Variants in HAO2 observed in about 807,000 individuals in gnomAD.
The protein encoded by HAO2 is hydroxyacid oxidase 2.
Under a neutral mutation model 37.4 loss-of-function variants are expected in HAO2, and 42 were observed. That is an observed-to-expected ratio of 1.12 (90% CI 0.88 to 1.45). HAO2 has a LOEUF of 1.45. Ranked by LOEUF, HAO2 falls within the 40% of genes most tolerant of loss-of-function variation. HAO2 has a pLI of 0.00. For synonymous variants in HAO2, 180 were observed against 162.8 expected (o/e 1.11, Z -0.81); for missense variants, 476 against 430.2 (o/e 1.11, Z -0.94).
chr1:119,383,466 T>A (rs889232558), intron 3 of HAO2, among the ~76,000 whole-genome samples: 1 of 152,172 alleles, frequency 6.6e-6, no homozygotes, highest in Admixed American at 6.5e-5. Flanking sequence ...GAATTTAGGA[T>A]GAGGAGAGAA....
intron 6 of HAO2, 89 bp downstream of exon 6, chr1:119,392,357 AT>A: frequency 1.8e-6 from 2 of 1,136,198 alleles, no homozygotes; most frequent in Non-Finnish European, 2.5e-6. Context: ...AAGCTTAGAC[AT>A]TTTCAAAATG....
At chr1:119,377,791 G>T (rs1417372617) in intron 1 of HAO2, among the ~76,000 whole-genome samples, 5 of 152,206 alleles carry the variant, frequency 3.3e-5, no homozygotes, top group African/African-American at 9.6e-5. Flanking sequence ...GCTCGGCCAG[G>T]CATGGTGGCT....
intron 2 of HAO2, among the ~76,000 whole-genome samples, 159 bp from the exon 3 acceptor site, chr1:119,382,756 A>T (rs996878488): frequency 2.6e-5 from 4 of 152,212 alleles, no homozygotes; most frequent in African/African-American, 9.6e-5. Context: ...CTGGATCAAC[A>T]TAGGTTACTC....
At position 119,383,048 on chromosome 1, in the gene HAO2, G is replaced by A. The variant is rs1216284074; in HGVS notation, c.265G>A (p.Glu89Lys). ...CCACTGCCTTGTCTGGCCTGATGGG[G>A]AAATGAGCACAGCAAGAGGTATGAA... ...GFHCLVWPDGEMSTARAAQAA... is the reference protein window; with the variant it reads ...GFHCLVWPDGKMSTARAAQAA... The change falls in exon 3 of 8, where the codon GAA becomes AAA. Residue 89 changes from glutamate (E) to lysine (K), a missense_variant. Glu to Lys is a moderately conservative substitution (Grantham distance 56, BLOSUM62 1). Transcript: ENST00000325945. 6.2e-7 allele frequency: 1 copy of A among 1,612,638 alleles called. No individual in the cohort carries two copies. The highest frequency in any genetic ancestry group is 8.5e-7 in the Non-Finnish European group (1 of 1,179,322).
chr1:119,380,210 C>A (rs1268067091), intron 1 of HAO2, among the ~76,000 whole-genome samples: 1 of 152,130 alleles, frequency 6.6e-6, no homozygotes, highest in African/African-American at 2.4e-5. Flanking sequence ...GCTGTTTCTA[C>A]TGCCCTGTTT....
At chr1:119,379,580 GC>G (rs762458952) in intron 1 of HAO2, among the ~76,000 whole-genome samples, 130 of 152,142 alleles carry the variant, frequency 8.5e-4, no homozygotes, top group Non-Finnish European at 1.6e-3. Flanking sequence ...GTAAGAATGA[GC>G]TAAATTAGAT....
rs587746124 is a variant in HAO2 at position 119,382,925 on chromosome 1, C to T, written c.142C>T (p.Arg48Cys). The change falls in exon 3 of 8, where the codon CGT becomes TGT. Residue 48 changes from arginine to cysteine, a missense_variant. Physicochemically the swap from Arg to Cys is radical, Grantham distance 180. Coordinates refer to ENST00000325945, the MANE Select transcript of HAO2 (RefSeq NM_016527.4). ...TGTTGTCCGGCACAGAATTCGCCTC[C>T]GTCCGCGGTACCTGAGAGATGTGTC... ...NIAAFKRIRL[R>C]PRYLRDVSEV... 1.8e-5 allele frequency: 29 copies of T among 1,613,530 alleles called. No homozygotes were observed. The highest frequency in any genetic ancestry group is 8.8e-5 in the South Asian group (8 of 91,014).
In HAO2 at chr1:119,394,106, A is replaced by G; in HGVS notation, c.*266A>G. 1 of 1,183,144 alleles carries G rather than the reference A, an allele frequency of 8.5e-7. No homozygotes were observed. The highest frequency in any genetic ancestry group is 2.0e-5 in the South Asian group (1 of 51,130). The allele number at this position is 1,183,144 out of a possible 1,614,324, so 73.3% of individuals were successfully genotyped here. ...CTTCCTCTGAAGTAAAAGATCTCAA[A>G]AGGACAGATCATTAATGACTGGAAC... On this transcript the variant is annotated 3_prime_UTR_variant, in exon 8 of 8. Transcript: ENST00000325945.
intron 5 of HAO2, among the ~76,000 whole-genome samples, chr1:119,389,938 C>T (rs1264506345): frequency 1.3e-5 from 2 of 152,032 alleles, no homozygotes; most frequent in East Asian, 3.9e-4. Context: ...GAATTAAGTC[C>T]TTGATCCATC....
At chr1:119,389,150 A>ATG (rs201899231) in intron 5 of HAO2, among the ~76,000 whole-genome samples, 6,091 of 72,220 alleles carry the variant, frequency 0.084, 1,935 homozygotes, top group East Asian at 0.39. Context: ...ATATATATAT[A>ATG]TATATATATA....
chr1:119,372,742 A>C (rs181337214), intron 1 of HAO2, among the ~76,000 whole-genome samples: 8 of 152,268 alleles, frequency 5.3e-5, no homozygotes, highest in South Asian at 2.1e-4. Flanking sequence ...GAAAAGAAAG[A>C]CCTCCAGGCT....
intron 5 of HAO2, 112 bp from the exon 6 acceptor site, chr1:119,391,998 A>G: frequency 1.1e-6 from 1 of 881,088 alleles, no homozygotes; most frequent in South Asian, 1.8e-5. Context: ...TGGGAGGGGA[A>G]GAAATTGTCA....
At position 119,386,856 on chromosome 1, in the gene HAO2, GGT is replaced by G. The variant is rs769559616; in HGVS notation, c.771+30_771+31del. The G allele has an allele frequency of 8.8e-6, 13 of 1,472,740 alleles. No homozygotes were observed. The South Asian group carries it at 1.4e-4, about 15-fold the overall frequency. 91.2% of individuals were successfully genotyped at this position (1,472,740 alleles called of 1,614,324 possible). ...AGTAAGTAGGATTACTTCAGAGAAG[GGT>G]GTGTTTGTGAGTGCTGTGTGTGTAT... On this transcript the variant is annotated intron_variant, in intron 5 of 7. Coordinates refer to ENST00000325945, the MANE Select transcript of HAO2 (RefSeq NM_016527.4).
At chr1:119,376,972 C>T (rs1258761008) in intron 1 of HAO2, among the ~76,000 whole-genome samples, 1 of 152,198 alleles carries the variant, frequency 6.6e-6, no homozygotes, top group East Asian at 1.9e-4. Flanking sequence ...TGGCAATTAA[C>T]ATTTGGCTCC....
At chr1:119,393,544 G>GT (rs1651079222) in intron 7 of HAO2, among the ~76,000 whole-genome samples, 2 of 152,182 alleles carry the variant, frequency 1.3e-5, no homozygotes, top group Admixed American at 6.5e-5. Flanking sequence ...CTAAAATAGG[G>GT]TTTTTACATG....
chr1:119,372,931 A>T (rs923097167), intron 1 of HAO2, among the ~76,000 whole-genome samples: 4 of 152,262 alleles, frequency 2.6e-5, no homozygotes, highest in African/African-American at 9.6e-5. Context: ...AAAGCACAGA[A>T]TATGAGTACT....
rs2101248739 is a variant in HAO2 at position 119,386,850 on chromosome 1, G to T, written c.771+19G>T. The T allele has an allele frequency of 6.6e-7, 1 of 1,506,516 alleles. No individual in the cohort carries two copies. The highest frequency in any genetic ancestry group is 2.3e-5 in the East Asian group (1 of 44,254). 93.3% of individuals were successfully genotyped at this position (1,506,516 alleles called of 1,614,324 possible). On this transcript the variant is annotated intron_variant, in intron 5 of 7. Coordinates refer to ENST00000325945, the MANE Select transcript of HAO2 (RefSeq NM_016527.4). ...TGCTTCAGTAAGTAGGATTACTTCAGAGAAGGGTGTGTTTGTGAGTGCTGT... is the reference window on the plus strand; with the variant it reads ...TGCTTCAGTAAGTAGGATTACTTCATAGAAGGGTGTGTTTGTGAGTGCTGT...
intron 4 of HAO2, 106 bp downstream of exon 4, chr1:119,385,159 C>A: frequency 2.0e-6 from 3 of 1,485,842 alleles, no homozygotes; most frequent in Non-Finnish European, 2.7e-6. Flanking sequence ...TTATCGAACA[C>A]CTGCTCTGTG....
At chr1:119,378,767 G>T (rs890016715) in intron 1 of HAO2, among the ~76,000 whole-genome samples, 3 of 152,174 alleles carry the variant, frequency 2.0e-5, no homozygotes, top group East Asian at 1.9e-4. Flanking sequence ...GCCTTTCTAT[G>T]AGTGTGTAAT....
Sources: gnomAD v4.1 joint callset for allele counts (sites outside exome capture counted in the v4.1 genomes callset) on GRCh38, gnomAD v4.1.1 for gene constraint, MANE v1.5 for transcripts, NCBI Gene and HGNC (gene_info 2026-07-23, HGNC 2026-07-21) for gene names.